Variants in GTF3C3 observed in about 807,000 individuals in gnomAD.
GTF3C3 encodes the protein general transcription factor IIIC subunit 3.
Under a neutral mutation model 105.2 loss-of-function variants are expected in GTF3C3, and 75 were observed. That is an observed-to-expected ratio of 0.71 (90% CI 0.59 to 0.86). GTF3C3 has a LOEUF of 0.86. Among genes scored for constraint, GTF3C3 ranks in the 40% least tolerant of loss-of-function variants. The pLI is 0.00. For synonymous variants in GTF3C3, 335 were observed against 370.4 expected (o/e 0.90, Z 1.10); for missense variants, 856 against 1,076.5 (o/e 0.80, Z 2.87).
chr2:196,793,718 G>A (rs887122535), intron 2 of GTF3C3, among the ~76,000 whole-genome samples: 1 of 152,064 alleles, frequency 6.6e-6, no homozygotes, highest in East Asian at 1.9e-4. Flanking sequence ...AGAATGCCTA[G>A]CATATAGTAA....
chr2:196,779,467 C>T (rs1699310865), intron 9 of GTF3C3, among the ~76,000 whole-genome samples: 1 of 152,060 alleles, frequency 6.6e-6, no homozygotes, highest in African/African-American at 2.4e-5. Context: ...ATAAAAACAG[C>T]GTTATATGGT....
At position 196,796,975 on chromosome 2, in the gene GTF3C3, G is replaced by A. The variant is rs1434705755; in HGVS notation, c.214+822C>T. Among the ~76,000 whole-genome samples, 4 of 152,072 alleles carry A rather than the reference G, an allele frequency of 2.6e-5. No homozygotes were observed. The East Asian group carries it at 7.7e-4, about 29-fold the overall frequency. ...GTCCAGGGAGGTAGGAACAAATCTT[G>A]TTTGTTTTCTGCCCATGCTATGACT... On this transcript the variant is annotated intron_variant, in intron 2 of 17. Transcript: ENST00000263956.
chr2:196,765,200 A>G (rs930453137), intron 17 of GTF3C3, among the ~76,000 whole-genome samples: 7 of 152,200 alleles, frequency 4.6e-5, no homozygotes, highest in African/African-American at 1.4e-4. Flanking sequence ...ATTGACTCCA[A>G]TATTACCTCA....
At chr2:196,779,119 T>A (rs780946406) in intron 9 of GTF3C3, 52 bp from the exon 10 acceptor site, 48 of 1,179,502 alleles carry the variant, frequency 4.1e-5, no homozygotes, top group Non-Finnish European at 5.2e-5. Context: ...AACGTGCACA[T>A]CTATCTATAG....
In GTF3C3 at chr2:196,763,565, A is replaced by G. The variant is rs1250300646; in HGVS notation, c.*998T>C. ...CTAGAAAGTTTTGTGTACAGTAGAA[A>G]CAGTGGTAAGAATTTCTAATAAGTC... On this transcript the variant is annotated 3_prime_UTR_variant, in exon 18 of 18. Coordinates refer to ENST00000263956, the MANE Select transcript of GTF3C3 (RefSeq NM_012086.5). The G allele has an allele frequency of 6.6e-6, 1 of 152,240 alleles. No homozygotes were observed. Among genetic ancestry groups the G allele is most frequent in the Non-Finnish European group, 1.5e-5 (1 of 68,036 alleles). 9.4% of individuals were successfully genotyped at this position (152,240 alleles called of 1,614,324 possible).
intron 13 of GTF3C3, among the ~76,000 whole-genome samples, chr2:196,773,892 G>A (rs955945835): frequency 1.1e-4 from 16 of 152,166 alleles, no homozygotes; most frequent in African/African-American, 3.9e-4. Context: ...GGGAATGGTC[G>A]CTTGCCCACC....
intron 10 of GTF3C3, among the ~76,000 whole-genome samples, chr2:196,777,152 A>G (rs1219588239): frequency 1.3e-5 from 2 of 152,144 alleles, no homozygotes; most frequent in African/African-American, 4.8e-5. Context: ...ATTCTTTTGA[A>G]AGTTCTGTAT....
At chr2:196,788,198 G>A (rs1185143014) in intron 6 of GTF3C3, among the ~76,000 whole-genome samples, 1 of 152,186 alleles carries the variant, frequency 6.6e-6, no homozygotes, top group Non-Finnish European at 1.5e-5. Context: ...GTAGTCCTAT[G>A]TAACCCACCC....
In GTF3C3 at chr2:196,775,143, G is replaced by A. The variant is rs947239123; in HGVS notation, c.1804C>T (p.Gln602Ter). ...SRDKISDSND[Q>*]ESANCDAKAI... is the part of the protein sequence containing the mutation. ...TTTGCATCACAATTTGCTGACTCTT[G>A]GTCATTGCTGTCTGATATTTTGTCT... The change falls in exon 13 of 18, where the codon CAA (glutamine) becomes TAA (stop). Residue 602 changes from glutamine (Q) to a stop codon, truncating the protein, a stop_gained. Transcript: ENST00000263956. LOFTEE classifies it high-confidence loss of function. 8 of 1,611,926 alleles carry A rather than the reference G, an allele frequency of 5.0e-6. No individual in the cohort carries two copies. Among genetic ancestry groups the A allele is most frequent in the Non-Finnish European group, 6.8e-6 (8 of 1,178,748 alleles).
rs1342280566 is a variant in GTF3C3 at position 196,771,710 on chromosome 2, T to C, written c.2260+38A>G. Reference sequence around the variant, plus strand: ...CCAGAGGCTAGGCTCTTCACCACACTATTTATGCTTGACAAAGTCACGTGC... The same window carrying C: ...CCAGAGGCTAGGCTCTTCACCACACCATTTATGCTTGACAAAGTCACGTGC... On this transcript the variant is annotated intron_variant, in intron 15 of 17. Transcript: ENST00000263956. 3 of 1,431,640 alleles carry C rather than the reference T, an allele frequency of 2.1e-6. No homozygotes were observed. The African/African-American group carries it at 4.2e-5, about 20-fold the overall frequency. 88.7% of individuals were successfully genotyped at this position (1,431,640 alleles called of 1,614,324 possible).
At chr2:196,772,054 G>C in intron 14 of GTF3C3, 116 bp from the exon 15 acceptor site, 1 of 660,890 alleles carries the variant, frequency 1.5e-6, no homozygotes, top group Non-Finnish European at 2.7e-6. Flanking sequence ...CCTCCAACAA[G>C]GAAAAGCAGA....
intron 1 of GTF3C3, chr2:196,799,280 G>A (rs925854623): frequency 4.1e-6 from 2 of 490,024 alleles, no homozygotes; most frequent in Non-Finnish European, 3.7e-6. Context: ...AGTATTGGGG[G>A]AAAAAGAAGA....
rs746793388 is a variant in GTF3C3, at chr2:196,764,595, G to A, written c.2629C>T (p.Gln877Ter). 3 of 1,613,906 alleles carry A rather than the reference G, an allele frequency of 1.9e-6. No individual in the cohort carries two copies. Among genetic ancestry groups the A allele is most frequent in the Non-Finnish European group, 2.5e-6 (3 of 1,179,842 alleles). ...GAACAATAGGTATACAAAAGCGTTTGAGCCATTCCGGTATTCCCACTGCTC... is the reference window on the plus strand; with the variant it reads ...GAACAATAGGTATACAAAAGCGTTTAAGCCATTCCGGTATTCCCACTGCTC... ...YQSSGNTGMA[Q>*]TLLYTYCSI The change falls in exon 18 of 18, where the codon CAA becomes TAA. Residue 877 changes from glutamine (Q) to a stop codon, truncating the protein, a stop_gained. Coordinates refer to ENST00000263956, the MANE Select transcript of GTF3C3 (RefSeq NM_012086.5). LOFTEE classifies it high-confidence loss of function.
rs1197958466 is a variant in GTF3C3 at position 196,776,414 on chromosome 2, T to C, written c.1593+13A>G. 1 of 1,607,174 alleles carries C rather than the reference T, an allele frequency of 6.2e-7. No homozygotes were observed. The highest frequency in any genetic ancestry group is 8.5e-7 in the Non-Finnish European group (1 of 1,174,708). On this transcript the variant is annotated intron_variant, in intron 11 of 17. Coordinates refer to ENST00000263956, the MANE Select transcript of GTF3C3 (RefSeq NM_012086.5). This position sits in a 1 kb window ranked among gnomAD's most constrained non-coding sequence, Gnocchi z 4.5. Reference sequence around the variant, plus strand: ...ATACCAAGAAAAACTTCCCTCTATGTGACATGGCCCACCTGCTGTGCAGCA... The same window carrying C: ...ATACCAAGAAAAACTTCCCTCTATGCGACATGGCCCACCTGCTGTGCAGCA...
chr2:196,769,904 G>A lies in GTF3C3; in HGVS notation c.2385+11C>T. The A allele has an allele frequency of 8.8e-6, 14 of 1,596,268 alleles. No homozygotes were observed. Among genetic ancestry groups the A allele is most frequent in the Non-Finnish European group, 1.2e-5 (14 of 1,169,440 alleles). On this transcript the variant is annotated intron_variant, in intron 16 of 17. Coordinates refer to ENST00000263956, the MANE Select transcript of GTF3C3 (RefSeq NM_012086.5). ...CATAAAATCAAGTAACGAGAAATTTGAATGAATTACCTGTACAATAAGAGC... is the reference window on the plus strand; with the variant it reads ...CATAAAATCAAGTAACGAGAAATTTAAATGAATTACCTGTACAATAAGAGC...
At chr2:196,775,052 T>C (rs1699238712) in intron 13 of GTF3C3, 64 bp downstream of exon 13, 2 of 1,200,344 alleles carry the variant, frequency 1.7e-6, no homozygotes, top group African/African-American at 3.0e-5. Context: ...TGTCCAGTGT[T>C]ACTTCATGAG....
chr2:196,772,525 G>C (rs1312216253), intron 14 of GTF3C3, among the ~76,000 whole-genome samples: 1 of 152,050 alleles, frequency 6.6e-6, no homozygotes, highest in Non-Finnish European at 1.5e-5. Flanking sequence ...TCCAGCCTGG[G>C]CAATAGGAGC....
At chr2:196,777,973 G>C (rs530621747) in intron 10 of GTF3C3, 2 of 152,194 alleles carry the variant, frequency 1.3e-5, no homozygotes, top group Admixed American at 6.5e-5. Context: ...TTTTTACGAT[G>C]GTATTACATT....
chr2:196,763,937 G>A lies in GTF3C3; in HGVS notation c.*626C>T, dbSNP rs1321377656. 2 of 152,026 alleles carry A rather than the reference G, an allele frequency of 1.3e-5. No homozygotes were observed. Among genetic ancestry groups the A allele is most frequent in the African/African-American group, 4.8e-5 (2 of 41,410 alleles). The allele number at this position is 152,026 out of a possible 1,614,324, so 9.4% of individuals were successfully genotyped here. The stretch of plus-strand genomic sequence containing the variant: ...CTCTTCTCTATTTTTTCATCAGAAA[G>A]CCACAAATATAGATAAAGCATTTTT... On this transcript the variant is annotated 3_prime_UTR_variant, in exon 18 of 18. Coordinates refer to ENST00000263956, the MANE Select transcript of GTF3C3 (RefSeq NM_012086.5).
Sources: allele counts gnomAD v4.1 joint callset (sites outside exome capture counted in the v4.1 genomes callset), GRCh38; gene constraint gnomAD v4.1.1; non-coding constraint Gnocchi (gnomAD v3.1); transcripts MANE v1.5; gene names NCBI Gene and HGNC (gene_info 2026-07-23, HGNC 2026-07-21).